Variants in DHODH observed in about 807,000 individuals in gnomAD.
The protein encoded by DHODH is dihydroorotate dehydrogenase (quinone).
A neutral mutation model predicts 39.7 loss-of-function variants in DHODH; 30 were observed. That is an observed-to-expected ratio of 0.76 (90% CI 0.57 to 1.02). The LOEUF is 1.02. Among genes scored for constraint, DHODH ranks in the 50% least tolerant of loss-of-function variants. The pLI, the probability that DHODH is intolerant of heterozygous loss-of-function variation, is 0.00. For synonymous variants in DHODH, 222 were observed against 213.8 expected, an observed-to-expected ratio of 1.04 and a Z score of -0.34; for missense variants, 531 against 520.8, an observed-to-expected ratio of 1.02 and a Z score of -0.19.
Position 72,012,119 on chromosome 16 carries a change from A to G in DHODH, c.91A>G (p.Thr31Ala). ...GLLFASYLMA[T>A]GDERFYAEHL... ...TCTCTTCGCCTCCTACCTGATGGCC[A>G]CGGGAGATGAGCGTTTCTATGCTGA... Residue 31 changes from threonine (T) to alanine (A), a missense_variant, in exon 2 of 9, where the codon ACG (threonine) becomes GCG (alanine). Transcript: ENST00000219240. The G allele has an allele frequency of 2.5e-6, 4 of 1,614,102 alleles. No individual in the cohort carries two copies. Among genetic ancestry groups the G allele is most frequent in the Non-Finnish European group, 2.5e-6 (3 of 1,179,984 alleles).
intron 3 of DHODH, 61 bp downstream of exon 3, chr16:72,014,733 A>T (rs8062895): frequency 2.0e-6 from 3 of 1,530,516 alleles, no homozygotes; most frequent in Non-Finnish European, 2.7e-6. Context: ...GCGTTCAGAG[A>T]TATAAGATCT....
intron 4 of DHODH, among the ~76,000 whole-genome samples, chr16:72,019,167 G>T (rs1597396116): frequency 6.6e-6 from 1 of 152,088 alleles, no homozygotes; most frequent in African/African-American, 2.4e-5. Flanking sequence ...TGTTGGCCAG[G>T]CTGGTCTTGA....
intron 1 of DHODH, among the ~76,000 whole-genome samples, 180 bp from the exon 2 acceptor site, chr16:72,011,870 G>C (rs984462239): frequency 1.3e-5 from 2 of 152,156 alleles, no homozygotes; most frequent in African/African-American, 2.4e-5. Flanking sequence ...GCCTGAAGAA[G>C]GTGTGTAGGC....
intron 3 of DHODH, chr16:72,015,823 C>T: frequency 4.1e-6 from 4 of 985,382 alleles, no homozygotes; most frequent in Non-Finnish European, 4.8e-6. Flanking sequence ...CTGCTCTGAG[C>T]CCTGTGTGTG....
chr16:72,018,443 T>G (rs2041168155), intron 4 of DHODH, among the ~76,000 whole-genome samples: 1 of 152,220 alleles, frequency 6.6e-6, no homozygotes, highest in African/African-American at 2.4e-5. Context: ...GACCCCGCTG[T>G]ACTGCAGAGC....
At position 72,022,355 on chromosome 16, in the gene DHODH, GC is replaced by G; in HGVS notation, c.706-4del. 9.0e-6 allele frequency: 14 copies of G among 1,550,636 alleles called. No individual in the cohort carries two copies. The highest frequency in any genetic ancestry group is 1.2e-5 in the Non-Finnish European group (14 of 1,146,810). On this transcript the variant is annotated splice_region_variant and splice_polypyrimidine_tract_variant and intron_variant, in intron 5 of 8. Transcript: ENST00000219240. ...GGGTCCCCAGCTCTGGCCGTGTGTCGCCCTAGGTGCTGCAGGAGAGGGATGG... is the reference window on the plus strand; with the variant it reads ...GGGTCCCCAGCTCTGGCCGTGTGTCGCCTAGGTGCTGCAGGAGAGGGATGG...
intron 2 of DHODH, chr16:72,013,550 C>G (rs930305454): frequency 1.3e-5 from 2 of 152,228 alleles, no homozygotes; most frequent in African/African-American, 4.8e-5. Context: ...TCACAACTTT[C>G]CTGGTTTGGC....
chr16:72,016,085 T>C (rs906042248), intron 3 of DHODH: 1 of 158,686 alleles, frequency 6.3e-6, no homozygotes, highest in Admixed American at 6.5e-5. Context: ...GGGCGTTTTC[T>C]TTTTGCTTGT....
At chr16:72,023,362 G>C in intron 7 of DHODH, 44 bp downstream of exon 7, 1 of 1,614,014 alleles carries the variant, frequency 6.2e-7, no homozygotes, top group Non-Finnish European at 8.5e-7. Flanking sequence ...CGTGTGGCTT[G>C]GGCTCCTGGG....
At chr16:72,010,368 T>A (rs999435579) in intron 1 of DHODH, among the ~76,000 whole-genome samples, 1 of 152,220 alleles carries the variant, frequency 6.6e-6, no homozygotes, top group African/African-American at 2.4e-5. Flanking sequence ...ATCCCTTGAG[T>A]ATCAGCTTTA....
intron 4 of DHODH, among the ~76,000 whole-genome samples, chr16:72,019,390 C>T (rs1597396212): frequency 1.3e-5 from 2 of 152,176 alleles, no homozygotes; most frequent in African/African-American, 2.4e-5. Context: ...GTTTGATCCT[C>T]TCTGGCCTGA....
At chr16:72,017,349 C>T (rs2041153148) in intron 4 of DHODH, among the ~76,000 whole-genome samples, 1 of 152,176 alleles carries the variant, frequency 6.6e-6, no homozygotes, top group African/African-American at 2.4e-5. Context: ...GTTACCGTAA[C>T]TAGGGAGGCC....
Position 72,014,480 on chromosome 16 carries a change from G to A in DHODH, c.242G>A (p.Arg81Lys). The A allele has an allele frequency of 1.2e-6, 2 of 1,614,162 alleles. No homozygotes were observed. The highest frequency in any genetic ancestry group is 1.7e-6 in the Non-Finnish European group (2 of 1,180,006). Residue 81 changes from arginine (R) to lysine (K), a missense_variant, in exon 3 of 9, where the codon AGA (arginine) becomes AAA (lysine). Coordinates refer to ENST00000219240, the MANE Select transcript of DHODH (RefSeq NM_001361.5). ...RFQDSDMLEV[R>K]VLGHKFRNPV... ...TTGTCTTCCTCTTCCCAGGAAGTGA[G>A]AGTTCTGGGCCATAAATTCCGAAAT...
At chr16:72,015,936 A>G (rs1470587081) in intron 3 of DHODH, 1 of 952,702 alleles carries the variant, frequency 1.0e-6, no homozygotes, top group Non-Finnish European at 1.2e-6. Context: ...GTCTGTTATT[A>G]TGGATGCTTT....
chr16:72,022,286 C>G, intron 5 of DHODH, 76 bp from the exon 6 acceptor site: 1 of 1,063,394 alleles, frequency 9.4e-7, no homozygotes, highest in Admixed American at 2.0e-5. Context: ...AACCCACTGA[C>G]CTGCAGCGTA....
At position 72,022,451 on chromosome 16, in the gene DHODH, G is replaced by A. The variant is rs1452604264; in HGVS notation, c.795G>A (p.Glu265=). The change falls in exon 6 of 9, where the codon GAG becomes GAA. Residue 265 remains glutamate (E), a synonymous_variant. Transcript: ENST00000219240. The part of the protein sequence containing the change: ...IAPDLTSQDK[E]DIASVVKELG... The stretch of plus-strand genomic sequence containing the variant: ...CTGACCTCACCAGCCAGGATAAGGA[G>A]GACATTGCCAGTGTGGTCAAAGAGG... 3 of 1,555,034 alleles carry A rather than the reference G, an allele frequency of 1.9e-6. No homozygotes were observed. The East Asian group carries it at 7.3e-5, about 38-fold the overall frequency.
rs147792232 is a variant in DHODH at position 72,024,451 on chromosome 16, C to T, written c.*252C>T. On this transcript the variant is annotated 3_prime_UTR_variant, in exon 9 of 9. Coordinates refer to ENST00000219240, the MANE Select transcript of DHODH (RefSeq NM_001361.5). ...CTAGGATCCATCAGTCTTGCAAGGA[C>T]ATTGAATATTAGGAGGAAAAAGTCA... 457 of 547,280 alleles carry T rather than the reference C, an allele frequency of 8.4e-4. 5 individuals carry two copies. The East Asian group carries it at 0.014, about 16-fold the overall frequency. 33.9% of individuals were successfully genotyped at this position (547,280 alleles called of 1,614,324 possible).
In DHODH at chr16:72,022,486, G is replaced by A. The variant is rs772407888; in HGVS notation, c.819+11G>A. On this transcript the variant is annotated intron_variant, in intron 6 of 8. Transcript: ENST00000219240. Reference sequence around the variant, plus strand: ...AGTGTGGTCAAAGAGGTTTGAGTCGGGGCCTGGGCCCAGGGTGTGCCTCCC... The same window carrying A: ...AGTGTGGTCAAAGAGGTTTGAGTCGAGGCCTGGGCCCAGGGTGTGCCTCCC... 2 of 1,547,072 alleles carry A rather than the reference G, an allele frequency of 1.3e-6. No homozygotes were observed. The highest frequency in any genetic ancestry group is 2.0e-5 in the Admixed American group (1 of 51,040).
intron 4 of DHODH, among the ~76,000 whole-genome samples, chr16:72,019,348 T>C (rs1334925919): frequency 6.6e-6 from 1 of 152,092 alleles, no homozygotes; most frequent in Non-Finnish European, 1.5e-5. Context: ...GTGATTGGGG[T>C]TGGGAAGGTG....
Sources: gnomAD v4.1 joint callset for allele counts (sites outside exome capture counted in the v4.1 genomes callset) on GRCh38, gnomAD v4.1.1 for gene constraint, MANE v1.5 for transcripts, NCBI Gene and HGNC (gene_info 2026-07-23, HGNC 2026-07-21) for gene names.